The following FRMPD4 variants were observed in gnomAD, a reference collection of about 807,000 sequenced individuals.
The protein encoded by FRMPD4 is FERM and PDZ domain-containing protein 4.
FRMPD4 carries 22 observed loss-of-function variants against 94.1 expected under a neutral mutation model. The observed-to-expected ratio is 0.23, with a 90% CI of 0.17 to 0.33. The LOEUF (loss-of-function observed/expected upper bound fraction) is 0.33, where lower values mean the gene tolerates loss of function less well. FRMPD4 is among the 10% of genes least tolerant of loss of function. The pLI is 1.00. For missense variants in FRMPD4, 1,111 were observed against 1,339.9 expected, an observed-to-expected ratio of 0.83 and a Z score of 2.67; for synonymous variants, 631 against 548.6, an observed-to-expected ratio of 1.15 and a Z score of -2.10.
At chrX:11,925,163 G>A (rs1253334498) in intron 3 of FRMPD4, among the ~76,000 whole-genome samples, 1 of 109,269 alleles carries the variant, frequency 9.2e-6, no homozygotes, top group Non-Finnish European at 1.9e-5. Flanking sequence ...ACATGAAGAA[G>A]GGCAGTACAT....
At chrX:12,559,441 G>A (rs187916709) in intron 2 of FRMPD4, among the ~76,000 whole-genome samples, 46 of 111,293 alleles carry the variant, frequency 4.1e-4, no homozygotes, top group Middle Eastern at 4.7e-3. Context: ...TTTGAGGTCA[G>A]GAGTTTGAGA....
At chrX:12,274,806 G>A (rs963646845) in intron 1 of FRMPD4, among the ~76,000 whole-genome samples, 11 of 112,344 alleles carry the variant, frequency 9.8e-5, no homozygotes, top group Non-Finnish European at 1.9e-4. Context: ...TCAGGAGATC[G>A]AGACCATCCT....
At chrX:12,440,702 GA>G (rs778568070) in intron 1 of FRMPD4, among the ~76,000 whole-genome samples, 488 of 110,869 alleles carry the variant, frequency 4.4e-3, no homozygotes, top group Non-Finnish European at 7.8e-3. Flanking sequence ...GGGGACTTGG[GA>G]GGGGGGGGAG....
At chrX:12,386,030 C>G (rs2056393121) in intron 1 of FRMPD4, among the ~76,000 whole-genome samples, 2 of 112,460 alleles carry the variant, frequency 1.8e-5, no homozygotes. Context: ...GATTACCCAT[C>G]TCTTGCTTCT....
chrX:11,996,308 T>C (rs187718617), intron 3 of FRMPD4, among the ~76,000 whole-genome samples: 105 of 111,884 alleles, frequency 9.4e-4, no homozygotes, highest in African/African-American at 3.4e-3. Flanking sequence ...AAACTATAAA[T>C]AGTGTGTGCT....
In FRMPD4 at chrX:12,665,962, T is replaced by G. The variant is rs1285906227; in HGVS notation, c.423-8901T>G. Among the ~76,000 whole-genome samples the G allele has an allele frequency of 4.5e-5, 5 of 111,413 alleles. No homozygotes were observed. The East Asian group carries it at 1.4e-3, about 31-fold the overall frequency. Reference sequence around the variant, plus strand: ...ATGTAAATGGGCTAAATGCCCCAATTAAAAGACACAGACTGGCGAATTGGA... The same window carrying G: ...ATGTAAATGGGCTAAATGCCCCAATGAAAAGACACAGACTGGCGAATTGGA... On this transcript the variant is annotated intron_variant, in intron 4 of 16. Coordinates refer to ENST00000675598, the MANE Select transcript of FRMPD4 (RefSeq NM_001368397.1).
chrX:12,291,525 T>G (rs1490085005), intron 1 of FRMPD4, among the ~76,000 whole-genome samples: 1 of 112,016 alleles, frequency 8.9e-6, no homozygotes, highest in Admixed American at 9.4e-5. Flanking sequence ...TATCTATACT[T>G]CCAAATACAG....
At chrX:11,970,219 G>T (rs981791530) in intron 3 of FRMPD4, among the ~76,000 whole-genome samples, 9 of 112,122 alleles carry the variant, frequency 8.0e-5, no homozygotes, top group African/African-American at 2.9e-4. Flanking sequence ...AATAAGCAAT[G>T]ATTATCAACA....
At chrX:12,230,830 A>G (rs1417916993) in intron 1 of FRMPD4, among the ~76,000 whole-genome samples, 2 of 96,963 alleles carry the variant, frequency 2.1e-5, no homozygotes, top group Non-Finnish European at 4.1e-5. Context: ...ATTTTTTTCT[A>G]GACCTAACTA....
intron 3 of FRMPD4, among the ~76,000 whole-genome samples, chrX:12,095,630 G>T (rs1364016195): frequency 9.0e-6 from 1 of 110,897 alleles, no homozygotes; most frequent in Non-Finnish European, 1.9e-5. Flanking sequence ...CAGCAAAAAG[G>T]TCATCAGTTT....
At chrX:12,180,555 A>G (rs2056346780) in intron 1 of FRMPD4, among the ~76,000 whole-genome samples, 2 of 112,355 alleles carry the variant, frequency 1.8e-5, no homozygotes. Context: ...TGTAGGTTAC[A>G]TATTGATAAA....
chrX:11,927,510 T>A lies in FRMPD4; in HGVS notation c.95+49492T>A, dbSNP rs1419367996. On this transcript the variant is annotated intron_variant, in intron 3 of 18. Transcript: ENST00000640291. ...CAACATCAAAACTGTACTACAGGGCTACAGTAACCAAAACAGCATGGTACT... is the reference window on the plus strand; with the variant it reads ...CAACATCAAAACTGTACTACAGGGCAACAGTAACCAAAACAGCATGGTACT... Among the ~76,000 whole-genome samples, 3 of 111,904 alleles carry A rather than the reference T, an allele frequency of 2.7e-5. No homozygotes were observed. In the East Asian group the frequency reaches 8.4e-4, roughly 31 times the overall value.
intron 1 of FRMPD4, among the ~76,000 whole-genome samples, chrX:12,471,668 A>G (rs1361578000): frequency 2.7e-5 from 3 of 111,757 alleles, no homozygotes; most frequent in Non-Finnish European, 5.6e-5. Context: ...GAACAAGGAG[A>G]TTTGACGACA....
intron 3 of FRMPD4, among the ~76,000 whole-genome samples, chrX:11,969,790 T>G (rs186510494): frequency 1.8e-5 from 2 of 112,124 alleles, no homozygotes; most frequent in Admixed American, 1.9e-4. Context: ...AAGACACATG[T>G]GCATTCATTC....
At chrX:12,303,467 A>G (rs1233535069) in intron 1 of FRMPD4, among the ~76,000 whole-genome samples, 1 of 111,828 alleles carries the variant, frequency 8.9e-6, no homozygotes, top group African/African-American at 3.2e-5. Flanking sequence ...TAGGAGATAA[A>G]TGTGCTTATT....
At chrX:12,422,464 G>A (rs1352958485) in intron 1 of FRMPD4, among the ~76,000 whole-genome samples, 1 of 111,908 alleles carries the variant, frequency 8.9e-6, no homozygotes, top group Non-Finnish European at 1.9e-5. Flanking sequence ...TTATTCATCT[G>A]AAAAATTGGG....
intron 1 of FRMPD4, among the ~76,000 whole-genome samples, chrX:11,843,765 G>A (rs1026172858): frequency 9.1e-6 from 1 of 109,658 alleles, no homozygotes; most frequent in African/African-American, 3.3e-5. Context: ...TCACCAGGCT[G>A]ATGTTGAACT....
At chrX:11,855,751 A>G (rs1278315233) in intron 1 of FRMPD4, among the ~76,000 whole-genome samples, 2 of 112,070 alleles carry the variant, frequency 1.8e-5, no homozygotes, top group East Asian at 5.6e-4. Context: ...AAACTTTTCC[A>G]CATCTTCCTG....
At chrX:11,971,941 G>A (rs939615180) in intron 3 of FRMPD4, among the ~76,000 whole-genome samples, 1 of 112,012 alleles carries the variant, frequency 8.9e-6, no homozygotes, top group Non-Finnish European at 1.9e-5. Flanking sequence ...ACTTTTGTTT[G>A]GTTGTTTGGT....
Sources: gnomAD v4.1 joint callset for allele counts (sites outside exome capture counted in the v4.1 genomes callset) on GRCh38, gnomAD v4.1.1 for gene constraint, MANE v1.5 for transcripts, NCBI Gene and HGNC (gene_info 2026-07-23, HGNC 2026-07-21) for gene names.